Variants in WNT7A observed in about 807,000 individuals in gnomAD.
WNT7A encodes the protein Wnt family member 7A, also known as protein Wnt-7a.
In WNT7A, 16 loss-of-function variants were observed where a neutral mutation model predicts 28.2. The observed-to-expected ratio is 0.57, with a 90% CI of 0.38 to 0.86. The LOEUF (loss-of-function observed/expected upper bound fraction) is 0.86. WNT7A is among the 40% of genes least tolerant of loss of function. The pLI is 0.00. For missense variants in WNT7A, 411 were observed against 489.7 expected (o/e 0.84, Z 1.52); for synonymous variants, 190 against 195.9 (o/e 0.97, Z 0.25).
chr3:13,841,583 T>A (rs1694457431), intron 3 of WNT7A, among the ~76,000 whole-genome samples: 1 of 152,188 alleles, frequency 6.6e-6, no homozygotes, highest in Admixed American at 6.5e-5. Context: ...ATTAGAACAG[T>A]GCCTGGAGTA....
chr3:13,821,499 C>T (rs911661202), intron 3 of WNT7A, among the ~76,000 whole-genome samples: 3 of 152,212 alleles, frequency 2.0e-5, no homozygotes, highest in Non-Finnish European at 4.4e-5. Context: ...TGTTCATAAT[C>T]GCTCTGACCT....
rs148074108 is a variant in WNT7A at position 13,828,036 on chromosome 3, T to C, written c.571-8613A>G. ...GTGCCTTGTTTTCTAGCAAGCCCAG[T>C]GAGACCTTGGAGCTTTGCAAACAGA... On this transcript the variant is annotated intron_variant, in intron 3 of 3. Coordinates refer to ENST00000285018, the MANE Select transcript of WNT7A (RefSeq NM_004625.4). 2.8e-3 allele frequency among the ~76,000 whole-genome samples: 425 copies of C among 151,844 alleles called. 2 individuals carry two copies. The highest frequency in any genetic ancestry group is 9.8e-3 in the African/African-American group (406 of 41,456).
intron 2 of WNT7A, among the ~76,000 whole-genome samples, chr3:13,873,746 C>G (rs1391115219): frequency 6.6e-6 from 1 of 152,010 alleles, no homozygotes; most frequent in African/African-American, 2.4e-5. Context: ...TCGACAAGGT[C>G]GAAAAGGTCT....
chr3:13,869,458 A>C (rs1694994042), intron 2 of WNT7A, among the ~76,000 whole-genome samples: 1 of 149,194 alleles, frequency 6.7e-6, no homozygotes, highest in Admixed American at 6.7e-5. Flanking sequence ...AGAAAGAAAG[A>C]CAGAAAGAAA....
chr3:13,867,334 G>C (rs1210236746), intron 2 of WNT7A, among the ~76,000 whole-genome samples: 1 of 152,092 alleles, frequency 6.6e-6, no homozygotes, highest in Admixed American at 6.5e-5. Flanking sequence ...GCAAGACAAG[G>C]GGTTCTCAAA....
At chr3:13,866,331 G>A (rs971126477) in intron 2 of WNT7A, among the ~76,000 whole-genome samples, 2 of 152,356 alleles carry the variant, frequency 1.3e-5, no homozygotes. Context: ...GCACAGTTCT[G>A]AGTGCAGTAA....
At chr3:13,841,094 G>A (rs565431436) in intron 3 of WNT7A, among the ~76,000 whole-genome samples, 1 of 152,322 alleles carries the variant, frequency 6.6e-6, no homozygotes, top group African/African-American at 2.4e-5. Flanking sequence ...CGGCTCTCTG[G>A]CTTAGAAATG....
intron 3 of WNT7A, among the ~76,000 whole-genome samples, chr3:13,832,624 C>A (rs948329801): frequency 2.6e-5 from 4 of 152,012 alleles, no homozygotes; most frequent in East Asian, 3.9e-4. Context: ...TACCTCTGGG[C>A]GACTCAGATG....
rs530657474 is a variant in WNT7A, at chr3:13,866,498, T to A, written c.298+8449A>T. Among the ~76,000 whole-genome samples the A allele has an allele frequency of 3.3e-5, 5 of 152,018 alleles. No homozygotes were observed. The South Asian group carries it at 1.0e-3, about 32-fold the overall frequency. On this transcript the variant is annotated intron_variant, in intron 2 of 3. Transcript: ENST00000285018. ...AAGTTACAGAGAATACATCCTGGAG[T>A]AACAAAGTGACATAAAGAAAATGCT... is the stretch of plus-strand genomic sequence containing the variant.
chr3:13,839,600 A>G (rs1694425050), intron 3 of WNT7A, among the ~76,000 whole-genome samples: 1 of 152,220 alleles, frequency 6.6e-6, no homozygotes, highest in Non-Finnish European at 1.5e-5. Flanking sequence ...GTGACTTTTT[A>G]AAGCCTGGGA....
chr3:13,832,071 C>T (rs887152340), intron 3 of WNT7A, among the ~76,000 whole-genome samples: 1 of 152,044 alleles, frequency 6.6e-6, no homozygotes, highest in Non-Finnish European at 1.5e-5. Context: ...ACCTGCTCCC[C>T]TCCTGTTCCT....
chr3:13,852,407 G>A (rs781246071), intron 3 of WNT7A, among the ~76,000 whole-genome samples: 23 of 152,234 alleles, frequency 1.5e-4, no homozygotes, highest in Non-Finnish European at 2.9e-4. Flanking sequence ...CCTGCCATGC[G>A]TGGAGCCCAT....
chr3:13,879,072 A>C (rs754642376), intron 1 of WNT7A, among the ~76,000 whole-genome samples: 7 of 152,142 alleles, frequency 4.6e-5, no homozygotes, highest in Non-Finnish European at 5.9e-5. Flanking sequence ...TCTGTGTCTC[A>C]GACCGCCTCT....
At chr3:13,852,506 C>T (rs1384816539) in intron 3 of WNT7A, among the ~76,000 whole-genome samples, 1 of 152,158 alleles carries the variant, frequency 6.6e-6, no homozygotes, top group African/African-American at 2.4e-5. Context: ...CTGACTGGCA[C>T]CGGTCGGAAC....
At chr3:13,835,069 G>A (rs1164296494) in intron 3 of WNT7A, among the ~76,000 whole-genome samples, 1 of 152,216 alleles carries the variant, frequency 6.6e-6, no homozygotes, top group Non-Finnish European at 1.5e-5. Flanking sequence ...AAAAAGGGAG[G>A]AAAGGGCAGG....
intron 1 of WNT7A, among the ~76,000 whole-genome samples, chr3:13,879,369 T>C (rs184243435): frequency 6.6e-6 from 1 of 152,276 alleles, no homozygotes; most frequent in African/African-American, 2.4e-5. Flanking sequence ...CGAGATTGGC[T>C]GTGGTCCTGG....
chr3:13,852,569 G>A (rs968482075), intron 3 of WNT7A, among the ~76,000 whole-genome samples: 1 of 152,224 alleles, frequency 6.6e-6, no homozygotes, highest in African/African-American at 2.4e-5. Context: ...GGTCGCAAGA[G>A]GGGCTGGAAC....
intron 2 of WNT7A, among the ~76,000 whole-genome samples, chr3:13,859,056 G>C (rs934862460): frequency 2.6e-5 from 4 of 152,242 alleles, no homozygotes; most frequent in Non-Finnish European, 4.4e-5. Flanking sequence ...GCGGTGCTGA[G>C]CACAGTGCCT....
At chr3:13,826,135 G>C (rs1694190827) in intron 3 of WNT7A, among the ~76,000 whole-genome samples, 1 of 152,212 alleles carries the variant, frequency 6.6e-6, no homozygotes, top group African/African-American at 2.4e-5. Flanking sequence ...CCCTGCTGGG[G>C]AGTTCCCAGG....
Sources: allele counts gnomAD v4.1 joint callset (sites outside exome capture counted in the v4.1 genomes callset), GRCh38; gene constraint gnomAD v4.1.1; transcripts MANE v1.5; gene names NCBI Gene and HGNC (gene_info 2026-07-23, HGNC 2026-07-21).